NEK3: variants seen among roughly 807,000 people sequenced by gnomAD.
NEK3 encodes the protein serine/threonine-protein kinase Nek3.
Under a neutral mutation model 66.0 loss-of-function variants are expected in NEK3, and 54 were observed. That is an observed-to-expected ratio of 0.82 (90% CI 0.66 to 1.03). NEK3 has a LOEUF of 1.03. Ranked by LOEUF, NEK3 falls within the 50% of genes least tolerant of loss-of-function variation. The probability of loss-of-function intolerance (pLI) is 0.00; values close to 1 mark genes in which losing one functional copy is unlikely to be tolerated. For synonymous variants in NEK3, 200 were observed against 206.2 expected, an observed-to-expected ratio of 0.97 and a Z score of 0.26; for missense variants, 593 against 603.0, an observed-to-expected ratio of 0.98 and a Z score of 0.17.
rs759881847 is a variant in NEK3, at chr13:52,153,909, A to G, written c.295T>C (p.Phe99Leu). 1.5e-5 allele frequency: 24 copies of G among 1,610,372 alleles called. No homozygotes were observed. The East Asian group carries it at 3.8e-4, about 25-fold the overall frequency. The change falls in exon 4 of 16, where the codon TTT becomes CTT. Residue 99 changes from phenylalanine (F) to leucine (L), a missense_variant. Phe to Leu is a conservative substitution (Grantham distance 22). Coordinates refer to ENST00000610828, the MANE Select transcript of NEK3 (RefSeq NM_002498.3). ...CAATCTCTTACCATGTCTTCAGGAA[A>G]TAACTTTCCTTTCTGCTGTTTAATC... ...QKIKQQKGKL[F>L]PEDMILNWFT...
chr13:52,155,812 G>C (rs112502512), intron 2 of NEK3, among the ~76,000 whole-genome samples: 5,974 of 152,148 alleles, frequency 0.039, 131 homozygotes, highest in South Asian at 0.065. Context: ...GAATAGCTGG[G>C]ACTACAGGTG....
At chr13:52,148,923 G>T (rs972055908) in intron 7 of NEK3, among the ~76,000 whole-genome samples, 2 of 152,120 alleles carry the variant, frequency 1.3e-5, no homozygotes, top group African/African-American at 4.8e-5. Context: ...ATGGAGTCTT[G>T]CTCTGTTGCC....
At chr13:52,154,643 T>C (rs971668298) in intron 2 of NEK3, among the ~76,000 whole-genome samples, 2 of 151,782 alleles carry the variant, frequency 1.3e-5, no homozygotes, top group Non-Finnish European at 2.9e-5. Context: ...AGTATGCTGG[T>C]ATATTACTGC....
intron 11 of NEK3, 35 bp downstream of exon 11, chr13:52,140,985 G>T: frequency 6.5e-7 from 1 of 1,542,212 alleles, no homozygotes; most frequent in Non-Finnish European, 8.8e-7. Flanking sequence ...CGGCCACCGC[G>T]CCCGGCCTCA....
rs1956166229 is a variant in NEK3 at position 52,132,994 on chromosome 13, A to C, written c.*148T>G. 1 of 666,580 alleles carries C rather than the reference A, an allele frequency of 1.5e-6. No homozygotes were observed. The highest frequency in any genetic ancestry group is 1.8e-5 in the African/African-American group (1 of 55,334). The allele number at this position is 666,580 out of a possible 1,614,324, so 41.3% of individuals were successfully genotyped here. The stretch of plus-strand genomic sequence containing the variant: ...TAGACTTTTCAAACTCACGATACTA[A>C]TCAAGAACGATTTTAAGTATTAAGA... On this transcript the variant is annotated 3_prime_UTR_variant, in exon 16 of 16. Transcript: ENST00000610828.
intron 7 of NEK3, among the ~76,000 whole-genome samples, chr13:52,149,382 G>C (rs1287742177): frequency 6.6e-6 from 1 of 152,084 alleles, no homozygotes; most frequent in Non-Finnish European, 1.5e-5. Context: ...AGCTCCTCCA[G>C]ACTTTTCTAA....
rs761533967 is a variant in NEK3 at position 52,136,149 on chromosome 13, G to A, written c.1141C>T (p.Leu381Phe). ...TCCTCTGCTGTTAAACTGGAGGTGA[G>A]TATGGATGCATTTTCCAAAGCTGTA... ...ALTALENASI[L>F]TSSLTAEDDR... Residue 381 changes from leucine (L) to phenylalanine (F), a missense_variant, in exon 13 of 16, where the codon CTC (leucine) becomes TTC (phenylalanine). Physicochemically the swap from Leu to Phe is conservative, Grantham distance 22. Transcript: ENST00000610828. The A allele has an allele frequency of 1.3e-5, 21 of 1,613,750 alleles. No individual in the cohort carries two copies. In the South Asian group the frequency reaches 1.4e-4, roughly 11 times the overall value.
intron 11 of NEK3, 67 bp downstream of exon 11, chr13:52,140,953 T>C: frequency 7.6e-7 from 1 of 1,308,362 alleles, no homozygotes; most frequent in Non-Finnish European, 1.1e-6. Flanking sequence ...TAGCTGGGAT[T>C]ACAGGCTTGC....
intron 2 of NEK3, among the ~76,000 whole-genome samples, chr13:52,155,777 G>C (rs964138994): frequency 3.9e-5 from 6 of 152,088 alleles, no homozygotes; most frequent in African/African-American, 1.4e-4. Flanking sequence ...CCCAGGTTAG[G>C]GTGATTCTCC....
Position 52,132,971 on chromosome 13 carries a change from G to A in NEK3, c.*171C>T. 1.7e-6 allele frequency: 1 copy of A among 603,542 alleles called. No homozygotes were observed. The highest frequency in any genetic ancestry group is 2.9e-6 in the Non-Finnish European group (1 of 342,732). 37.4% of individuals were successfully genotyped at this position (603,542 alleles called of 1,614,324 possible). On this transcript the variant is annotated 3_prime_UTR_variant, in exon 16 of 16. Coordinates refer to ENST00000610828, the MANE Select transcript of NEK3 (RefSeq NM_002498.3). ...AGTTCAAAAACTTACAGGAGTTCTA[G>A]ACTTTTCAAACTCACGATACTAATC...
At position 52,152,014 on chromosome 13, in the gene NEK3, A is replaced by G. The variant is rs1956350691; in HGVS notation, c.393+595T>C. The stretch of plus-strand genomic sequence containing the variant: ...CTATAACATCTAGGTTTGTGTAAGC[A>G]CACTCTACGATGCTCACACAACAAA... On this transcript the variant is annotated intron_variant, in intron 5 of 15. Transcript: ENST00000610828. Among the ~76,000 whole-genome samples the G allele has an allele frequency of 2.6e-5, 4 of 152,206 alleles. No homozygotes were observed. In the South Asian group the frequency reaches 8.3e-4, roughly 31 times the overall value.
chr13:52,146,914 A>G (rs1956299726), intron 8 of NEK3, among the ~76,000 whole-genome samples: 1 of 152,204 alleles, frequency 6.6e-6, no homozygotes, highest in Non-Finnish European at 1.5e-5. Flanking sequence ...CCTCAAGTAC[A>G]TCTGTAAAAA....
At chr13:52,134,035 T>C (rs1322287095) in intron 14 of NEK3, among the ~76,000 whole-genome samples, 1 of 152,034 alleles carries the variant, frequency 6.6e-6, no homozygotes, top group African/African-American at 2.4e-5. Context: ...AACAGTACTT[T>C]ATTCTTTTTT....
chr13:52,151,363 C>T lies in NEK3; in HGVS notation c.423G>A (p.Val141=), dbSNP rs1250061760. Residue 141 remains valine, a synonymous_variant, in exon 6 of 16, where the codon GTG becomes GTA. Coordinates refer to ENST00000610828, the MANE Select transcript of NEK3 (RefSeq NM_002498.3). ...KNIFLTQNGK[V]KLGDFGSARL... ...GGGCAGATCCAAAGTCTCCCAATTTCACTTTTCCATTCTGAGTGAGGAAGA... is the reference window on the plus strand; with the variant it reads ...GGGCAGATCCAAAGTCTCCCAATTTTACTTTTCCATTCTGAGTGAGGAAGA... 2 of 1,595,124 alleles carry T rather than the reference C, an allele frequency of 1.3e-6. No individual in the cohort carries two copies. Among genetic ancestry groups the T allele is most frequent in the South Asian group, 1.1e-5 (1 of 87,440 alleles).
Position 52,148,474 on chromosome 13 carries a change from A to G in NEK3, c.549-5T>C. 1 of 1,612,986 alleles carries G rather than the reference A, an allele frequency of 6.2e-7. No homozygotes were observed. The highest frequency in any genetic ancestry group is 1.1e-5 in the South Asian group (1 of 90,944). On this transcript the variant is annotated splice_region_variant and splice_polypyrimidine_tract_variant and intron_variant, in intron 7 of 15. Transcript: ENST00000610828. The stretch of plus-strand genomic sequence containing the variant: ...CAACCCAAGGACCAGATGTCACTGA[A>G]AGCATAAAGAAGCAATGTAATCACA...
intron 5 of NEK3, 83 bp downstream of exon 5, chr13:52,152,526 G>A (rs1035240713): frequency 1.3e-6 from 1 of 757,790 alleles, no homozygotes; most frequent in South Asian, 2.2e-5. Context: ...AAACAAAACT[G>A]TCCCAAAATG....
At chr13:52,133,650 C>A in intron 15 of NEK3, 39 bp downstream of exon 15, 10 of 1,547,838 alleles carry the variant, frequency 6.5e-6, no homozygotes, top group Non-Finnish European at 7.9e-6. Context: ...CACACACCCC[C>A]AACCCCAGCT....
At chr13:52,137,379 C>A (rs1956214677) in intron 11 of NEK3, among the ~76,000 whole-genome samples, 1 of 152,088 alleles carries the variant, frequency 6.6e-6, no homozygotes, top group African/African-American at 2.4e-5. Context: ...TGATTTATTT[C>A]GTGAAATATA....
chr13:52,136,212 T>C lies in NEK3; in HGVS notation c.1078A>G (p.Arg360Gly). 6.2e-7 allele frequency: 1 copy of C among 1,613,818 alleles called. No homozygotes were observed. Among genetic ancestry groups the C allele is most frequent in the Non-Finnish European group, 8.5e-7 (1 of 1,179,730 alleles). Residue 360 changes from arginine to glycine, a missense_variant, in exon 13 of 16, where the codon AGA (arginine) becomes GGA (glycine). Physicochemically the swap from Arg to Gly is moderately radical, Grantham distance 125 (BLOSUM62 -2). Transcript: ENST00000610828. ...LRKASSPNLH[R>G]RQWEKNVPNT... The stretch of plus-strand genomic sequence containing the variant: ...GGTACATTTTTCTCCCACTGTCGTC[T>C]ATGAAGATTTGGTGAACTGGCTTTC...
Sources: allele counts gnomAD v4.1 joint callset (sites outside exome capture counted in the v4.1 genomes callset), GRCh38; gene constraint gnomAD v4.1.1; transcripts MANE v1.5; gene names NCBI Gene and HGNC (gene_info 2026-07-23, HGNC 2026-07-21).